INPP4B: variants seen among roughly 807,000 people sequenced by gnomAD.
The protein encoded by INPP4B is inositol polyphosphate 4-phosphatase type II.
Under a neutral mutation model 122.5 loss-of-function variants are expected in INPP4B, and 55 were observed. The observed-to-expected ratio is 0.45, with a 90% CI of 0.36 to 0.56. The LOEUF (loss-of-function observed/expected upper bound fraction) is 0.56, where lower values mean the gene tolerates loss of function less well. Among genes scored for constraint, INPP4B ranks in the 20% least tolerant of loss-of-function variants. The pLI, the probability that INPP4B is intolerant of heterozygous loss-of-function variation, is 0.00. For missense variants in INPP4B, 1,000 were observed against 1,097.7 expected, an observed-to-expected ratio of 0.91 and a Z score of 1.26; for synonymous variants, 403 against 388.7, an observed-to-expected ratio of 1.04 and a Z score of -0.43.
chr4:142,296,730 C>A (rs1758867965), intron 9 of INPP4B, among the ~76,000 whole-genome samples: 1 of 152,196 alleles, frequency 6.6e-6, no homozygotes, highest in African/African-American at 2.4e-5. Context: ...GTCTCTAAAT[C>A]ATCTGCTCTT....
chr4:142,048,459 A>T (rs576521767), intron 25 of INPP4B, among the ~76,000 whole-genome samples: 1 of 152,212 alleles, frequency 6.6e-6, no homozygotes, highest in East Asian at 1.9e-4. Flanking sequence ...CTATTGTCCC[A>T]GAAGGATTTA....
At chr4:142,042,516 G>GTATGTATGTA (rs1748412979) in intron 25 of INPP4B, among the ~76,000 whole-genome samples, 1 of 48,128 alleles carries the variant, frequency 2.1e-5, no homozygotes, top group Non-Finnish European at 8.8e-5. Context: ...TTATGTGTGT[G>GTATGTATGTA]TGTATGTATG....
chr4:142,728,237 C>T (rs141897065), intron 1 of INPP4B, among the ~76,000 whole-genome samples: 2,513 of 152,200 alleles, frequency 0.017, 64 homozygotes, highest in African/African-American at 0.055. Flanking sequence ...GGCTTGACTA[C>T]GAAACACTGT....
chr4:142,634,947 A>G (rs991905558), intron 2 of INPP4B, among the ~76,000 whole-genome samples: 2 of 152,030 alleles, frequency 1.3e-5, no homozygotes, highest in Non-Finnish European at 2.9e-5. Context: ...TTAATAAGTT[A>G]GTTATGTTAT....
intron 2 of INPP4B, among the ~76,000 whole-genome samples, chr4:142,609,842 C>T (rs1742093383): frequency 6.6e-6 from 1 of 152,086 alleles, no homozygotes; most frequent in Admixed American, 6.6e-5. Context: ...CATAACACTC[C>T]CAGGCACCAG....
intron 21 of INPP4B, among the ~76,000 whole-genome samples, chr4:142,116,791 A>C (rs1793740120): frequency 6.6e-6 from 1 of 152,208 alleles, no homozygotes; most frequent in Non-Finnish European, 1.5e-5. Context: ...AGCTAGCAGA[A>C]GGCAAGAAAT....
At chr4:142,202,748 G>A (rs1052931024) in intron 14 of INPP4B, 29 of 983,338 alleles carry the variant, frequency 2.9e-5, no homozygotes, top group African/African-American at 2.8e-4. Flanking sequence ...ACCAATTTGC[G>A]GAATCCCACT....
chr4:142,741,483 G>A lies in INPP4B; in HGVS notation c.-253-15582C>T, dbSNP rs574494222. 1.3e-4 allele frequency among the ~76,000 whole-genome samples: 20 copies of A among 151,942 alleles called. No individual in the cohort carries two copies. The South Asian group carries it at 3.3e-3, about 25-fold the overall frequency. ...ACACCAGGCCCCATCTCCAATACTG[G>A]GGATTACATTTCAACATGACATTTG... On this transcript the variant is annotated intron_variant, in intron 1 of 25. Coordinates refer to ENST00000262992, the MANE Select transcript of INPP4B (RefSeq NM_001101669.3).
At chr4:142,749,099 A>G (rs1218470197) in intron 1 of INPP4B, among the ~76,000 whole-genome samples, 1 of 150,892 alleles carries the variant, frequency 6.6e-6, no homozygotes, top group African/African-American at 2.4e-5. Context: ...AGATTGTGCC[A>G]CTGCTCTCCA....
chr4:142,681,264 A>T (rs1758579311), intron 2 of INPP4B, among the ~76,000 whole-genome samples: 1 of 151,796 alleles, frequency 6.6e-6, no homozygotes, highest in South Asian at 2.1e-4. Flanking sequence ...CAGTGTTCTA[A>T]TGAGCCATGG....
chr4:142,732,594 A>T (rs1766269686), intron 1 of INPP4B, among the ~76,000 whole-genome samples: 1 of 152,256 alleles, frequency 6.6e-6, no homozygotes, highest in East Asian at 1.9e-4. Context: ...AGAGAATTAA[A>T]TATCTCAAAT....
At chr4:142,689,261 C>CA (rs759420431) in intron 2 of INPP4B, among the ~76,000 whole-genome samples, 60 of 152,012 alleles carry the variant, frequency 3.9e-4, no homozygotes, top group Admixed American at 1.8e-3. Context: ...ATGATGAAGG[C>CA]AAAAAACATC....
intron 16 of INPP4B, among the ~76,000 whole-genome samples, chr4:142,168,556 C>T (rs1195561533): frequency 6.6e-6 from 1 of 151,498 alleles, no homozygotes; most frequent in Non-Finnish European, 1.5e-5. Flanking sequence ...AATTTAGTCC[C>T]GCTACTAGGG....
chr4:142,661,603 T>A (rs1755182211), intron 2 of INPP4B, among the ~76,000 whole-genome samples: 1 of 152,240 alleles, frequency 6.6e-6, no homozygotes. Flanking sequence ...AATTTAGCAA[T>A]TTTTTCAGAG....
At chr4:142,255,887 T>A (rs1433528893) in intron 11 of INPP4B, among the ~76,000 whole-genome samples, 4 of 148,740 alleles carry the variant, frequency 2.7e-5, no homozygotes, top group Admixed American at 6.7e-5. Flanking sequence ...CCACCCCAAA[T>A]CAACAGAATA....
intron 12 of INPP4B, among the ~76,000 whole-genome samples, chr4:142,212,424 C>CTGATGAA (rs1845317718): frequency 6.6e-6 from 1 of 152,172 alleles, no homozygotes; most frequent in Non-Finnish European, 1.5e-5. Flanking sequence ...GACCTAAATC[C>CTGATGAA]TGATGAATTA....
At chr4:142,481,860 G>A (rs1162403896) in intron 2 of INPP4B, among the ~76,000 whole-genome samples, 3 of 152,152 alleles carry the variant, frequency 2.0e-5, no homozygotes, top group African/African-American at 4.8e-5. Context: ...AATGTACCTA[G>A]TGTTAATAAG....
intron 2 of INPP4B, among the ~76,000 whole-genome samples, chr4:142,655,588 G>A (rs531461034): frequency 3.3e-5 from 5 of 152,038 alleles, no homozygotes; most frequent in South Asian, 2.1e-4. Context: ...TATAATTAAC[G>A]AGCATGAGTC....
chr4:142,068,727 G>A (rs1352887491), intron 25 of INPP4B, among the ~76,000 whole-genome samples: 4 of 152,148 alleles, frequency 2.6e-5, no homozygotes, highest in Admixed American at 2.6e-4. Context: ...GATCAAAAGA[G>A]ACAAAGAAGG....
Sources: gnomAD v4.1 joint callset for allele counts (sites outside exome capture counted in the v4.1 genomes callset) on GRCh38, gnomAD v4.1.1 for gene constraint, MANE v1.5 for transcripts, NCBI Gene and HGNC (gene_info 2026-07-23, HGNC 2026-07-21) for gene names.